Variants in LRFN2 observed in about 807,000 individuals in gnomAD.
LRFN2 encodes leucine-rich repeat and fibronectin type-III domain-containing protein 2.
In LRFN2, 18 loss-of-function variants were observed where a neutral mutation model predicts 37.3. The observed-to-expected ratio is 0.48, with a 90% CI of 0.33 to 0.72. The LOEUF is 0.72. Among genes scored for constraint, LRFN2 ranks in the 30% least tolerant of loss-of-function variants. The probability of loss-of-function intolerance (pLI) is 0.02; values close to 1 mark genes in which losing one functional copy is unlikely to be tolerated. For synonymous variants in LRFN2, 556 were observed against 466.6 expected (o/e 1.19, Z -2.47); for missense variants, 1,006 against 1,060.7 (o/e 0.95, Z 0.72).
chr6:40,553,251 A>G (rs1006511968), intron 1 of LRFN2, among the ~76,000 whole-genome samples: 2 of 152,228 alleles, frequency 1.3e-5, no homozygotes, highest in African/African-American at 4.8e-5. Flanking sequence ...GCTATGGTAA[A>G]TATCAGCCAA....
At chr6:40,435,297 G>A (rs1469737672) in intron 1 of LRFN2, among the ~76,000 whole-genome samples, 7 of 150,538 alleles carry the variant, frequency 4.6e-5, no homozygotes, top group Non-Finnish European at 7.4e-5. Context: ...AGTAACTACA[G>A]GCACTTGCCA....
At chr6:40,419,746 C>T (rs1455706305) in intron 2 of LRFN2, among the ~76,000 whole-genome samples, 1 of 152,116 alleles carries the variant, frequency 6.6e-6, no homozygotes, top group Non-Finnish European at 1.5e-5. Context: ...GCACAGCCTC[C>T]TTCCTTCCAA....
chr6:40,516,890 G>T (rs935821362), intron 1 of LRFN2, among the ~76,000 whole-genome samples: 1 of 152,168 alleles, frequency 6.6e-6, no homozygotes, highest in African/African-American at 2.4e-5. Context: ...GGCCAGGAAG[G>T]TCTCATCCTC....
At chr6:40,450,499 G>A (rs188245357) in intron 1 of LRFN2, among the ~76,000 whole-genome samples, 282 of 152,302 alleles carry the variant, frequency 1.9e-3, no homozygotes, top group Non-Finnish European at 2.8e-3. Context: ...TCCTCACAGG[G>A]GCAGCCTTTT....
intron 2 of LRFN2, among the ~76,000 whole-genome samples, chr6:40,428,826 C>CT (rs1324258947): frequency 6.6e-6 from 1 of 152,142 alleles, no homozygotes; most frequent in Non-Finnish European, 1.5e-5. Context: ...TCAACGCTTA[C>CT]TTTTTTCTCA....
chr6:40,445,968 A>C (rs1283119820), intron 1 of LRFN2, among the ~76,000 whole-genome samples: 13 of 152,240 alleles, frequency 8.5e-5, no homozygotes, highest in Non-Finnish European at 1.5e-4. Context: ...TTCCCATTAC[A>C]GTTCTTATTA....
At chr6:40,480,113 A>G (rs1764793300) in intron 1 of LRFN2, among the ~76,000 whole-genome samples, 1 of 152,162 alleles carries the variant, frequency 6.6e-6, no homozygotes, top group African/African-American at 2.4e-5. Flanking sequence ...AACTTTGCAT[A>G]TATTAACTTA....
intron 2 of LRFN2, among the ~76,000 whole-genome samples, chr6:40,419,022 AC>A (rs1763158631): frequency 1.3e-5 from 2 of 152,206 alleles, no homozygotes; most frequent in African/African-American, 4.8e-5. Flanking sequence ...TCCACTCGGT[AC>A]CTACTGAATT....
chr6:40,407,279 C>T (rs1285733532), intron 2 of LRFN2, among the ~76,000 whole-genome samples: 1 of 152,190 alleles, frequency 6.6e-6, no homozygotes, highest in African/African-American at 2.4e-5. Flanking sequence ...CTTCCAGCCC[C>T]CAGGGACTGG....
chr6:40,564,955 C>G (rs1276251877), intron 1 of LRFN2, among the ~76,000 whole-genome samples: 2 of 152,180 alleles, frequency 1.3e-5, no homozygotes, highest in Non-Finnish European at 2.9e-5. Context: ...TCAGACTGCT[C>G]TGTACCAAAG....
At chr6:40,546,398 A>G (rs915709942) in intron 1 of LRFN2, among the ~76,000 whole-genome samples, 1 of 152,116 alleles carries the variant, frequency 6.6e-6, no homozygotes, top group Non-Finnish European at 1.5e-5. Context: ...ACCTGCCGAT[A>G]TTGACCCCAG....
At chr6:40,469,038 T>G (rs1308413706) in intron 1 of LRFN2, among the ~76,000 whole-genome samples, 2 of 152,080 alleles carry the variant, frequency 1.3e-5, no homozygotes, top group African/African-American at 4.8e-5. Context: ...CAGATGTAAT[T>G]TAGTTAAGGT....
intron 1 of LRFN2, among the ~76,000 whole-genome samples, chr6:40,477,527 T>C (rs1445132165): frequency 6.6e-6 from 1 of 152,074 alleles, no homozygotes; most frequent in East Asian, 1.9e-4. Flanking sequence ...TCAATAAAGA[T>C]TTGTTGGTGG....
At chr6:40,580,784 G>A (rs1431825356) in intron 1 of LRFN2, among the ~76,000 whole-genome samples, 3 of 152,220 alleles carry the variant, frequency 2.0e-5, no homozygotes, top group Non-Finnish European at 4.4e-5. Flanking sequence ...GTGTGAATAT[G>A]TGGGAGTGTT....
intron 1 of LRFN2, among the ~76,000 whole-genome samples, chr6:40,440,748 T>C (rs1763815857): frequency 6.6e-6 from 1 of 152,158 alleles, no homozygotes; most frequent in African/African-American, 2.4e-5. Context: ...CATAGTCTTC[T>C]ACAGGCCCCT....
Position 40,392,066 on chromosome 6 carries a change from C to G in LRFN2, c.2247G>C (p.Ser749=), listed in dbSNP as rs202127195. ...AGAGGCTGCGCTTCGTCCAGATGTT[C>G]GAGACCTTCCGAGGAGGACTGTAGC... ...PGGYSPPRKV[S]NIWTKRSLSV... Residue 749 remains serine (S), a synonymous_variant, in exon 3 of 3, where the codon TCG becomes TCC. Coordinates refer to ENST00000338305, the MANE Select transcript of LRFN2 (RefSeq NM_020737.3). The surrounding 1 kb of genome is among the most constrained non-coding windows in gnomAD (Gnocchi z 4.7). The G allele has an allele frequency of 2.7e-5, 44 of 1,613,984 alleles. No individual in the cohort carries two copies. Among genetic ancestry groups the G allele is most frequent in the Non-Finnish European group, 3.6e-5 (42 of 1,180,028 alleles).
At chr6:40,581,136 T>C (rs1365758599) in intron 1 of LRFN2, among the ~76,000 whole-genome samples, 6 of 152,096 alleles carry the variant, frequency 3.9e-5, no homozygotes, top group African/African-American at 1.4e-4. Flanking sequence ...TGTTTGGTCA[T>C]AGACTAGTCA....
intron 1 of LRFN2, among the ~76,000 whole-genome samples, chr6:40,458,414 A>T (rs1231189401): frequency 6.6e-6 from 1 of 152,222 alleles, no homozygotes; most frequent in Non-Finnish European, 1.5e-5. Flanking sequence ...AGCAGCAAAA[A>T]GTCCAAAGTT....
At chr6:40,566,619 C>T (rs1232536952) in intron 1 of LRFN2, among the ~76,000 whole-genome samples, 1 of 151,252 alleles carries the variant, frequency 6.6e-6, no homozygotes, top group Non-Finnish European at 1.5e-5. Flanking sequence ...TCATTCTCAG[C>T]AAACTATCAC....
Sources: allele counts gnomAD v4.1 joint callset (sites outside exome capture counted in the v4.1 genomes callset), GRCh38; gene constraint gnomAD v4.1.1; non-coding constraint Gnocchi (gnomAD v3.1); transcripts MANE v1.5; gene names NCBI Gene and HGNC (gene_info 2026-07-23, HGNC 2026-07-21).